Variants in ZNF521 observed in about 807,000 individuals in gnomAD.
ZNF521 encodes LYST-interacting protein 3.
Under a neutral mutation model 105.5 loss-of-function variants are expected in ZNF521, and 14 were observed. The observed-to-expected ratio is 0.13, with a 90% confidence interval of 0.09 to 0.21. The LOEUF is 0.21. Ranked by LOEUF, ZNF521 falls within the 10% of genes least tolerant of loss-of-function variation. The probability of loss-of-function intolerance (pLI) is 1.00; values close to 1 mark genes in which losing one functional copy is unlikely to be tolerated. For missense variants in ZNF521, 1,233 were observed against 1,629.7 expected (o/e 0.76, Z 4.19); for synonymous variants, 635 against 606.0 (o/e 1.05, Z -0.70).
chr18:25,115,207 G>A (rs540524457), intron 5 of ZNF521, among the ~76,000 whole-genome samples: 3 of 152,228 alleles, frequency 2.0e-5, no homozygotes, highest in South Asian at 2.1e-4. Flanking sequence ...AATTACTACC[G>A]TGGACATAAT....
chr18:25,216,600 C>T (rs1905338719), intron 4 of ZNF521, among the ~76,000 whole-genome samples: 2 of 152,138 alleles, frequency 1.3e-5, no homozygotes, highest in Non-Finnish European at 2.9e-5. Context: ...ACTCTGTTGC[C>T]CAGGCTGGAG....
intron 2 of ZNF521, among the ~76,000 whole-genome samples, chr18:25,332,017 T>G (rs1032461999): frequency 6.6e-6 from 1 of 151,832 alleles, no homozygotes; most frequent in Non-Finnish European, 1.5e-5. Context: ...GGGCATTTAA[T>G]ATTCCACTAA....
At chr18:25,142,718 T>A (rs1463758266) in intron 5 of ZNF521, among the ~76,000 whole-genome samples, 4 of 150,894 alleles carry the variant, frequency 2.7e-5, no homozygotes, top group Non-Finnish European at 4.4e-5. Context: ...TTTGATTTTT[T>A]TTTTTAGATT....
intron 5 of ZNF521, among the ~76,000 whole-genome samples, chr18:25,155,217 ATTCAAG>A (rs1202921360): frequency 2.0e-5 from 3 of 152,152 alleles, no homozygotes; most frequent in Non-Finnish European, 4.4e-5. Flanking sequence ...CCTGTCATCT[ATTCAAG>A]TTCTTTACCC....
chr18:25,244,309 C>CACACAT (rs1555652075), intron 3 of ZNF521, among the ~76,000 whole-genome samples: 1 of 151,508 alleles, frequency 6.6e-6, no homozygotes, highest in African/African-American at 2.4e-5. Flanking sequence ...CACACACACA[C>CACACAT]ACACTCTCAC....
rs1182436066 is a variant in ZNF521, at chr18:25,062,707, T to C, written c.*5A>G. On this transcript the variant is annotated 3_prime_UTR_variant, in exon 8 of 8. Transcript: ENST00000361524. ...ATCAATTCTCCTTGAGAGACTGTACTTGCACTAACTGCTGTGTTGGGTCAT... is the reference window on the plus strand; with the variant it reads ...ATCAATTCTCCTTGAGAGACTGTACCTGCACTAACTGCTGTGTTGGGTCAT... 4 of 1,573,344 alleles carry C rather than the reference T, an allele frequency of 2.5e-6. No individual in the cohort carries two copies. In the South Asian group the frequency reaches 4.6e-5, roughly 18 times the overall value.
At chr18:25,079,818 C>T (rs1222863863) in intron 7 of ZNF521, among the ~76,000 whole-genome samples, 1 of 152,120 alleles carries the variant, frequency 6.6e-6, no homozygotes, top group African/African-American at 2.4e-5. Context: ...ATATACTGTT[C>T]CATTTTCCTG....
chr18:25,264,253 C>A lies in ZNF521; in HGVS notation c.221-36556G>T, dbSNP rs576054904. On this transcript the variant is annotated intron_variant, in intron 3 of 7. Transcript: ENST00000361524. Reference sequence around the variant, plus strand: ...ATTCATTCCTGGTATTTTTACTCTGCCATTTTGTTCCAGCATTTTGAGTCT... The same window carrying A: ...ATTCATTCCTGGTATTTTTACTCTGACATTTTGTTCCAGCATTTTGAGTCT... Among the ~76,000 whole-genome samples the A allele has an allele frequency of 2.6e-5, 4 of 152,238 alleles. No individual in the cohort carries two copies. The South Asian group carries it at 8.3e-4, about 32-fold the overall frequency.
intron 5 of ZNF521, among the ~76,000 whole-genome samples, chr18:25,112,465 G>A (rs1176517117): frequency 3.3e-5 from 5 of 152,108 alleles, no homozygotes; most frequent in African/African-American, 1.2e-4. Flanking sequence ...CAGAAGCACT[G>A]ACATTTTTAA....
At chr18:25,301,998 A>G (rs1019225288) in intron 3 of ZNF521, 12 of 152,298 alleles carry the variant, frequency 7.9e-5, no homozygotes, top group African/African-American at 2.6e-4. Context: ...TTCAATGTCT[A>G]AATCATGACA....
intron 3 of ZNF521, among the ~76,000 whole-genome samples, chr18:25,262,480 T>C (rs2144899896): frequency 6.6e-6 from 1 of 152,324 alleles, no homozygotes; most frequent in South Asian, 2.1e-4. Context: ...GAAGATTAAC[T>C]ATGTTGGTTA....
chr18:25,181,171 A>G (rs1185469314), intron 5 of ZNF521, among the ~76,000 whole-genome samples: 5 of 152,136 alleles, frequency 3.3e-5, no homozygotes, highest in Non-Finnish European at 7.3e-5. Context: ...CCAACCTTTC[A>G]GCTCATCTAA....
intron 5 of ZNF521, among the ~76,000 whole-genome samples, chr18:25,163,041 G>C (rs1418677594): frequency 6.6e-6 from 1 of 152,020 alleles, no homozygotes; most frequent in Non-Finnish European, 1.5e-5. Context: ...CATTTGCAGA[G>C]ATGCAGGCAA....
Position 25,324,636 on chromosome 18 carries a change from G to A in ZNF521, c.41-2449C>T, listed in dbSNP as rs148226734. On this transcript the variant is annotated intron_variant, in intron 2 of 7. Transcript: ENST00000361524. ...AACTGATAACACTCAGGGAAATGTC[G>A]CTGTTAGGTCTGATTTTTAATATGA... Among the ~76,000 whole-genome samples the A allele has an allele frequency of 1.6e-4, 24 of 152,234 alleles. No individual in the cohort carries two copies. The East Asian group carries it at 3.7e-3, about 23-fold the overall frequency.
At chr18:25,136,651 A>G (rs1166497217) in intron 5 of ZNF521, 5 of 152,426 alleles carry the variant, frequency 3.3e-5, no homozygotes, top group Non-Finnish European at 4.4e-5. Context: ...CAGGGACACC[A>G]GAGTTAATCA....
intron 7 of ZNF521, among the ~76,000 whole-genome samples, chr18:25,070,494 A>C (rs1156352409): frequency 1.3e-5 from 2 of 152,218 alleles, no homozygotes; most frequent in African/African-American, 4.8e-5. Context: ...CAGTCATTAC[A>C]TAAAACACAT....
At chr18:25,088,998 C>A (rs1470817759) in intron 7 of ZNF521, among the ~76,000 whole-genome samples, 1 of 152,156 alleles carries the variant, frequency 6.6e-6, no homozygotes, top group African/African-American at 2.4e-5. Context: ...TTATTCTATT[C>A]CATTAAATGG....
rs67381140 is a variant in ZNF521, at chr18:25,273,220, CAAAAAAAAAAAA to C, written c.221-45535_221-45524del. Among the ~76,000 whole-genome samples, 81 of 40,880 alleles carry C rather than the reference CAAAAAAAAAAAA, an allele frequency of 2.0e-3. 1 individual carries two copies. Among genetic ancestry groups the C allele is most frequent in the South Asian group, 9.2e-3 (4 of 436 alleles). 26.8% of individuals were successfully genotyped at this position (40,880 alleles called of 152,430 possible). A position where few individuals can be genotyped will look rare whatever the true frequency, so the allele number is the denominator to read the frequency against. On this transcript the variant is annotated intron_variant, in intron 3 of 7. Coordinates refer to ENST00000361524, the MANE Select transcript of ZNF521 (RefSeq NM_015461.3). Reference sequence around the variant, plus strand: ...CCCAAGAGGAGTGAAACCCTGTCTCCAAAAAAAAAAAAAAAAAAAAAAAAAAAAAAAGACATT... The same window carrying C: ...CCCAAGAGGAGTGAAACCCTGTCTCCAAAAAAAAAAAAAAAAAAAGACATT...
chr18:25,206,162 C>A (rs188351712), intron 4 of ZNF521, among the ~76,000 whole-genome samples: 2 of 152,152 alleles, frequency 1.3e-5, no homozygotes, highest in Non-Finnish European at 2.9e-5. Flanking sequence ...AGCTACCTCG[C>A]CCAGCTAATT....
Sources: gnomAD v4.1 joint callset for allele counts (sites outside exome capture counted in the v4.1 genomes callset) on GRCh38, gnomAD v4.1.1 for gene constraint, MANE v1.5 for transcripts, NCBI Gene and HGNC (gene_info 2026-07-23, HGNC 2026-07-21) for gene names.